The following CD34 variants were observed in gnomAD, a reference collection of about 807,000 sequenced individuals.
The protein encoded by CD34 is hematopoietic progenitor cell antigen CD34.
CD34 carries 34 observed loss-of-function variants against 40.1 expected under a neutral mutation model. That is an observed-to-expected ratio of 0.85 (90% confidence interval 0.65 to 1.13). The LOEUF is 1.13. Ranked by LOEUF, CD34 falls within the 50% of genes most tolerant of loss-of-function variation. CD34 has a pLI of 0.00. For missense variants in CD34, 426 were observed against 466.9 expected (o/e 0.91, Z 0.81); for synonymous variants, 209 against 190.0 (o/e 1.10, Z -0.82).
chr1:207,891,269 T>G (rs775484681), intron 4 of CD34, among the ~76,000 whole-genome samples: 1 of 152,174 alleles, frequency 6.6e-6, no homozygotes, highest in Non-Finnish European at 1.5e-5. Context: ...AAAGCCTCTG[T>G]GCAAGTGTCA....
rs1022079054 is a variant in CD34, at chr1:207,883,125, C to T, written c.*4613G>A. ...TTAAACTCTGTGGTTTAGCTTTAAA[C>T]ACCCTACACAAACTGTGACACCCGG... On this transcript the variant is annotated 3_prime_UTR_variant, in exon 8 of 8. Coordinates refer to ENST00000310833, the MANE Select transcript of CD34 (RefSeq NM_001025109.2). 3 of 152,208 alleles carry T rather than the reference C, an allele frequency of 2.0e-5. No homozygotes were observed. The highest frequency in any genetic ancestry group is 7.2e-5 in the African/African-American group (3 of 41,450). 9.4% of individuals were successfully genotyped at this position (152,208 alleles called of 1,614,324 possible).
intron 4 of CD34, among the ~76,000 whole-genome samples, chr1:207,896,105 A>T (rs943473455): frequency 6.6e-6 from 1 of 152,232 alleles, no homozygotes; most frequent in African/African-American, 2.4e-5. Context: ...GTTAGAATGG[A>T]AAAAATAAGT....
At position 207,889,207 on chromosome 1, in the gene CD34, G is replaced by T; in HGVS notation, c.761C>A (p.Ser254Tyr). The T allele has an allele frequency of 1.2e-6, 2 of 1,613,398 alleles. No individual in the cohort carries two copies. The highest frequency in any genetic ancestry group is 1.7e-6 in the Non-Finnish European group (2 of 1,179,374). ...LLVLANRTEISSKLQLMKKHQ... is the reference protein window; with the variant it reads ...LLVLANRTEIYSKLQLMKKHQ... ...CTTTTTCATAAGTTGGAGTTTGCTGGAAATTTCTAGAATTAGAAACAAGGG... is the reference window on the plus strand; with the variant it reads ...CTTTTTCATAAGTTGGAGTTTGCTGTAAATTTCTAGAATTAGAAACAAGGG... The change falls in exon 6 of 8, where the codon TCC (serine) becomes TAC (tyrosine). Residue 254 changes from serine (S) to tyrosine (Y), a missense_variant. Physicochemically the swap from Ser to Tyr is moderately radical, Grantham distance 144. Transcript: ENST00000310833.
chr1:207,905,405 G>T (rs957157464), intron 1 of CD34, among the ~76,000 whole-genome samples: 3 of 152,198 alleles, frequency 2.0e-5, no homozygotes, highest in Non-Finnish European at 4.4e-5. Flanking sequence ...CGAAGTGCTG[G>T]GATTGCAGGC....
chr1:207,881,456 G>C lies in CD34; in HGVS notation c.*6282C>G, dbSNP rs762859022. The C allele has an allele frequency of 6.6e-6, 1 of 152,074 alleles. No individual in the cohort carries two copies. Among genetic ancestry groups the C allele is most frequent in the Non-Finnish European group, 1.5e-5 (1 of 68,046 alleles). The allele number at this position is 152,074 out of a possible 1,614,324, so 9.4% of individuals were successfully genotyped here. ...GGGTGGATCATGAGGTCAGGAGATC[G>C]AGACCAGCCTGGCTAACACGGTGAA... On this transcript the variant is annotated 3_prime_UTR_variant, in exon 8 of 8. Transcript: ENST00000310833.
chr1:207,896,166 C>T (rs924475378), intron 4 of CD34, among the ~76,000 whole-genome samples: 4 of 152,248 alleles, frequency 2.6e-5, no homozygotes, highest in Admixed American at 2.0e-4. Flanking sequence ...CATGCCAGCA[C>T]ATCACATATG....
Position 207,887,328 on chromosome 1 carries a change from A to G in CD34, c.*410T>C, listed in dbSNP as rs2102293577. 5.6e-6 allele frequency: 1 copy of G among 179,426 alleles called. No individual in the cohort carries two copies. The highest frequency in any genetic ancestry group is 1.5e-4 in the East Asian group (1 of 6,452). 11.1% of individuals were successfully genotyped at this position (179,426 alleles called of 1,614,324 possible). Reference sequence around the variant, plus strand: ...TAGAGAAAGAAAATACAGGGAAGAAACGGTAAAAATCAAAGCTTCCTGGGA... The same window carrying G: ...TAGAGAAAGAAAATACAGGGAAGAAGCGGTAAAAATCAAAGCTTCCTGGGA... On this transcript the variant is annotated 3_prime_UTR_variant, in exon 8 of 8. Coordinates refer to ENST00000310833, the MANE Select transcript of CD34 (RefSeq NM_001025109.2).
Position 207,882,043 on chromosome 1 carries a change from G to A in CD34, c.*5695C>T, listed in dbSNP as rs542688715. 4.6e-5 allele frequency: 7 copies of A among 152,176 alleles called. No individual in the cohort carries two copies. In the East Asian group the frequency reaches 5.8e-4, roughly 13 times the overall value. The allele number at this position is 152,176 out of a possible 1,614,324, so 9.4% of individuals were successfully genotyped here. A position where few individuals can be genotyped will look rare whatever the true frequency, so the allele number is the denominator to read the frequency against. On this transcript the variant is annotated 3_prime_UTR_variant, in exon 8 of 8. Coordinates refer to ENST00000310833, the MANE Select transcript of CD34 (RefSeq NM_001025109.2). ...ATTTCCTCTCCTCTCTCTTATATTC[G>A]ACTTGAACTTCCAGTTCCAGACAAG...
At chr1:207,910,073 G>C (rs920919788) in intron 1 of CD34, among the ~76,000 whole-genome samples, 7 of 152,350 alleles carry the variant, frequency 4.6e-5, no homozygotes, top group Admixed American at 3.3e-4. Context: ...ATGAGGTGGA[G>C]AATGTCATTC....
chr1:207,886,591 G>T lies in CD34; in HGVS notation c.*1147C>A, dbSNP rs1661899792. On this transcript the variant is annotated 3_prime_UTR_variant, in exon 8 of 8. Transcript: ENST00000310833. The stretch of plus-strand genomic sequence containing the variant: ...ATTTAAACACATCACTTTGTATTCA[G>T]AAAAAATATCTACCCAATACTCTCT... 1 of 152,542 alleles carries T rather than the reference G, an allele frequency of 6.6e-6. No homozygotes were observed. The highest frequency in any genetic ancestry group is 1.5e-5 in the Non-Finnish European group (1 of 68,004). 9.4% of individuals were successfully genotyped at this position (152,542 alleles called of 1,614,324 possible). A position where few individuals can be genotyped will look rare whatever the true frequency, so the allele number is the denominator to read the frequency against.
chr1:207,910,568 C>T (rs1276230837), intron 1 of CD34, among the ~76,000 whole-genome samples: 1 of 152,162 alleles, frequency 6.6e-6, no homozygotes, highest in African/African-American at 2.4e-5. Flanking sequence ...GTGGGCACAC[C>T]GGCCCCTTCC....
chr1:207,904,797 C>G (rs1167688074), intron 1 of CD34, among the ~76,000 whole-genome samples: 1 of 152,174 alleles, frequency 6.6e-6, no homozygotes, highest in Non-Finnish European at 1.5e-5. Flanking sequence ...TGGAGCCATT[C>G]TTATTCTTAT....
rs1662243103 is a variant in CD34 at position 207,900,068 on chromosome 1, C to A, written c.80-65G>T. 4 of 1,268,550 alleles carry A rather than the reference C, an allele frequency of 3.2e-6. No homozygotes were observed. The South Asian group carries it at 4.4e-5, about 14-fold the overall frequency. The allele number at this position is 1,268,550 out of a possible 1,614,324, so 78.6% of individuals were successfully genotyped here. A position where few individuals can be genotyped will look rare whatever the true frequency, so the allele number is the denominator to read the frequency against. On this transcript the variant is annotated intron_variant, in intron 1 of 7. Coordinates refer to ENST00000310833, the MANE Select transcript of CD34 (RefSeq NM_001025109.2). ...ATCAGCCTGGTGATATCACCTGATGCAATTTCCTGACTTCAGGTAGAATTC... is the reference window on the plus strand; with the variant it reads ...ATCAGCCTGGTGATATCACCTGATGAAATTTCCTGACTTCAGGTAGAATTC...
At chr1:207,896,365 A>C (rs1440929703) in intron 4 of CD34, among the ~76,000 whole-genome samples, 1 of 152,242 alleles carries the variant, frequency 6.6e-6, no homozygotes, top group Non-Finnish European at 1.5e-5. Context: ...TTTCCAATGC[A>C]GTAAGACATG....
intron 3 of CD34, among the ~76,000 whole-genome samples, chr1:207,898,595 C>T (rs1662199259): frequency 6.6e-6 from 1 of 152,162 alleles, no homozygotes; most frequent in African/African-American, 2.4e-5. Flanking sequence ...TTGTCCTAAC[C>T]ATTGTGGGAG....
chr1:207,909,754 T>C (rs1212083000), intron 1 of CD34, among the ~76,000 whole-genome samples: 2 of 152,182 alleles, frequency 1.3e-5, no homozygotes, highest in East Asian at 1.9e-4. Flanking sequence ...CTCTAGAATT[T>C]TGAAACCTCA....
At chr1:207,903,465 A>G (rs1558122741) in intron 1 of CD34, among the ~76,000 whole-genome samples, 2 of 152,226 alleles carry the variant, frequency 1.3e-5, no homozygotes. Context: ...TTAAAGTTGA[A>G]TAAAAAGCTC....
chr1:207,910,997 C>T lies in CD34; in HGVS notation c.79+5G>A, dbSNP rs1418202985. On this transcript the variant is annotated splice_donor_5th_base_variant and intron_variant, in intron 1 of 7. Coordinates refer to ENST00000310833, the MANE Select transcript of CD34 (RefSeq NM_001025109.2). ...AAGCGGCCGCGGCGCGCGGGCGGTA[C>T]TCACGCAGCAAACTCAGCAAGCAAA... 3 of 1,581,558 alleles carry T rather than the reference C, an allele frequency of 1.9e-6. No individual in the cohort carries two copies. The highest frequency in any genetic ancestry group is 1.3e-5 in the African/African-American group (1 of 74,534).
In CD34 at chr1:207,889,450, A is replaced by G; in HGVS notation, c.754+15T>C. ...CTACTCCTTCCCTGTTCCCCCAGGCAGAGGTGCACCTTACCTGTTCTGTTG... is the reference window on the plus strand; with the variant it reads ...CTACTCCTTCCCTGTTCCCCCAGGCGGAGGTGCACCTTACCTGTTCTGTTG... On this transcript the variant is annotated intron_variant, in intron 5 of 7. Coordinates refer to ENST00000310833, the MANE Select transcript of CD34 (RefSeq NM_001025109.2). The G allele has an allele frequency of 6.2e-7, 1 of 1,602,644 alleles. No individual in the cohort carries two copies. Among genetic ancestry groups the G allele is most frequent in the East Asian group, 2.2e-5 (1 of 44,678 alleles).
Sources: allele counts gnomAD v4.1 joint callset (sites outside exome capture counted in the v4.1 genomes callset), GRCh38; gene constraint gnomAD v4.1.1; transcripts MANE v1.5; gene names NCBI Gene and HGNC (gene_info 2026-07-23, HGNC 2026-07-21).